Variants in ACACB observed in about 807,000 individuals in gnomAD.
ACACB encodes acetyl-CoA carboxylase 2.
A neutral mutation model predicts 278.8 loss-of-function variants in ACACB; 209 were observed. The ratio of observed to expected loss-of-function variants is 0.75; its 90% CI spans 0.67 to 0.84. The LOEUF is 0.84. Among genes scored for constraint, ACACB ranks in the 40% least tolerant of loss-of-function variants. ACACB has a pLI of 0.00. For synonymous variants in ACACB, 1,174 were observed against 1,285.6 expected (o/e 0.91, Z 1.86); for missense variants, 2,850 against 3,269.0 (o/e 0.87, Z 3.13).
intron 37 of ACACB, among the ~76,000 whole-genome samples, chr12:109,244,325 C>T (rs899220623): frequency 6.6e-6 from 1 of 152,154 alleles, no homozygotes; most frequent in African/African-American, 2.4e-5. Context: ...TGGATCTGTC[C>T]CCTTGCTTCC....
intron 2 of ACACB, among the ~76,000 whole-genome samples, chr12:109,156,037 T>C (rs1300122473): frequency 6.6e-6 from 1 of 152,206 alleles, no homozygotes; most frequent in East Asian, 1.9e-4. Context: ...ATTCATAGTG[T>C]TCCTTTAAAT....
chr12:109,213,316 G>A (rs181147762), intron 22 of ACACB, among the ~76,000 whole-genome samples: 1 of 152,106 alleles, frequency 6.6e-6, no homozygotes, highest in East Asian at 1.9e-4. Context: ...CATTCTCCTC[G>A]ACCTCCCAAA....
chr12:109,183,234 C>CT (rs1380762317), intron 11 of ACACB, among the ~76,000 whole-genome samples: 6 of 151,578 alleles, frequency 4.0e-5, no homozygotes, highest in East Asian at 3.9e-4. Flanking sequence ...AGTGTTTGTT[C>CT]TTTTTTTTCA....
intron 43 of ACACB, among the ~76,000 whole-genome samples, chr12:109,253,498 C>T (rs1316332132): frequency 1.3e-5 from 2 of 152,146 alleles, no homozygotes; most frequent in Non-Finnish European, 2.9e-5. Flanking sequence ...CCTTCCTCCT[C>T]GGTAGCTGTA....
intron 4 of ACACB, 25 bp from the exon 5 acceptor site, chr12:109,171,780 C>A: frequency 6.3e-7 from 1 of 1,575,046 alleles, no homozygotes; most frequent in Admixed American, 1.7e-5. Flanking sequence ...GCAGTTCCTT[C>A]CTTCTCCCTC....
At chr12:109,211,881 G>C (rs951523258) in intron 21 of ACACB, among the ~76,000 whole-genome samples, 1 of 152,112 alleles carries the variant, frequency 6.6e-6, no homozygotes, top group African/African-American at 2.4e-5. Context: ...GGAACTTTCA[G>C]GAATTTGTCA....
chr12:109,181,763 C>T (rs2044479543), intron 11 of ACACB, among the ~76,000 whole-genome samples: 1 of 151,722 alleles, frequency 6.6e-6, no homozygotes, highest in African/African-American at 2.4e-5. Flanking sequence ...AATTTTCAGT[C>T]CTACCAACAG....
At chr12:109,156,619 A>G (rs1032827524) in intron 2 of ACACB, among the ~76,000 whole-genome samples, 1 of 132,804 alleles carries the variant, frequency 7.5e-6, no homozygotes, top group African/African-American at 2.9e-5. Flanking sequence ...GGGGGCTATT[A>G]TCAACAGCAC....
At chr12:109,205,034 A>G (rs1363198619) in intron 19 of ACACB, among the ~76,000 whole-genome samples, 2 of 152,050 alleles carry the variant, frequency 1.3e-5, no homozygotes, top group African/African-American at 4.8e-5. Flanking sequence ...TTGTATTTTT[A>G]GTAGTGATGG....
chr12:109,234,118 C>T (rs917765227), intron 31 of ACACB, 73 bp downstream of exon 31: 49 of 1,302,112 alleles, frequency 3.8e-5, no homozygotes, highest in Non-Finnish European at 5.2e-5. Context: ...GTCGAGGCGG[C>T]CCTTGGGGAG....
At chr12:109,155,668 A>G (rs2043512817) in intron 2 of ACACB, among the ~76,000 whole-genome samples, 2 of 151,766 alleles carry the variant, frequency 1.3e-5, no homozygotes. Context: ...TTTTCATTCA[A>G]CATTAAGTAT....
intron 22 of ACACB, among the ~76,000 whole-genome samples, chr12:109,215,804 A>C (rs1440785176): frequency 2.0e-5 from 3 of 152,074 alleles, no homozygotes; most frequent in Non-Finnish European, 4.4e-5. Context: ...TAATTAATTA[A>C]TTTTTATTTA....
At chr12:109,211,128 C>T (rs1341936756) in intron 21 of ACACB, among the ~76,000 whole-genome samples, 1 of 151,862 alleles carries the variant, frequency 6.6e-6, no homozygotes, top group Non-Finnish European at 1.5e-5. Flanking sequence ...TGGGAGGGTT[C>T]CCCACCATCA....
At position 109,233,751 on chromosome 12, in the gene ACACB, T is replaced by C. The variant is rs552751105; in HGVS notation, c.4143T>C (p.Asn1381=). 1.9e-5 allele frequency: 31 copies of C among 1,613,944 alleles called. No homozygotes were observed. Among genetic ancestry groups the C allele is most frequent in the South Asian group, 1.9e-4 (17 of 91,056 alleles). Residue 1381 remains asparagine, a synonymous_variant, in exon 30 of 53, where the codon AAT becomes AAC. Transcript: ENST00000338432. The stretch of plus-strand genomic sequence containing the variant: ...CCCTCTCTACCCGCACCCCCAGAAA[T>C]TTTGATGAAGTCATCTCTTGCTTCG... ...AFRRFEDFTR[N]FDEVISCFAN...
Position 109,246,419 on chromosome 12 carries a change from G to T in ACACB, c.5542G>T (p.Ala1848Ser), listed in dbSNP as rs377282068. ...AEEIKHMFHV[A>S]WVDPEDPHKG... ...GGAGATCAAACACATGTTCCACGTG[G>T]CTTGGGTGGACCCAGAAGACCCCCA... is the stretch of plus-strand genomic sequence containing the variant. The change falls in exon 39 of 53, where the codon GCT becomes TCT. Residue 1848 changes from alanine (A) to serine (S), a missense_variant. By Grantham distance (99) the Ala-to-Ser change is moderately conservative. This residue lies in a region of ACACB where 2,265 missense variants were observed against 2,561.3 expected (regional missense o/e 0.88). Transcript: ENST00000338432. 1 of 1,613,276 alleles carries T rather than the reference G, an allele frequency of 6.2e-7. No homozygotes were observed.
chr12:109,199,795 C>T (rs561533705), intron 18 of ACACB, among the ~76,000 whole-genome samples: 17 of 152,150 alleles, frequency 1.1e-4, no homozygotes, highest in African/African-American at 3.9e-4. Flanking sequence ...GGGCGGATCA[C>T]GAGGTCAGGA....
intron 4 of ACACB, among the ~76,000 whole-genome samples, chr12:109,171,002 A>G (rs1348096052): frequency 7.7e-6 from 1 of 130,110 alleles, no homozygotes; most frequent in Non-Finnish European, 1.6e-5. Context: ...ATTCCTGGCT[A>G]CTTTTTTTGG....
chr12:109,119,174 A>G (rs1420439395), intron 1 of ACACB, among the ~76,000 whole-genome samples: 1 of 152,206 alleles, frequency 6.6e-6, no homozygotes, highest in Non-Finnish European at 1.5e-5. Context: ...GCTCAGGCCA[A>G]TCAGATAACA....
chr12:109,161,412 G>T (rs374036449), intron 2 of ACACB, among the ~76,000 whole-genome samples: 1 of 151,910 alleles, frequency 6.6e-6, no homozygotes, highest in Non-Finnish European at 1.5e-5. Context: ...ACATGGTGGC[G>T]GGCACCTGTA....
Sources: allele counts gnomAD v4.1 joint callset (sites outside exome capture counted in the v4.1 genomes callset), GRCh38; gene constraint gnomAD v4.1.1; regional missense constraint gnomAD v4.1.1; transcripts MANE v1.5; gene names NCBI Gene and HGNC (gene_info 2026-07-23, HGNC 2026-07-21).